ANKS1A: variants seen among roughly 807,000 people sequenced by gnomAD.
ANKS1A encodes the protein ankyrin repeat and sterile alpha motif domain containing 1A, also known as ankyrin repeat and SAM domain-containing protein 1A.
In ANKS1A, 55 loss-of-function variants were observed where a neutral mutation model predicts 120.3. The observed-to-expected ratio is 0.46, with a 90% CI of 0.37 to 0.57. The LOEUF (loss-of-function observed/expected upper bound fraction) is 0.57, where lower values mean the gene tolerates loss of function less well. Among genes scored for constraint, ANKS1A ranks in the 20% least tolerant of loss-of-function variants. The probability of loss-of-function intolerance (pLI) is 0.00; values close to 1 mark genes in which losing one functional copy is unlikely to be tolerated. For missense variants in ANKS1A, 1,123 were observed against 1,480.3 expected, an observed-to-expected ratio of 0.76 and a Z score of 3.96; for synonymous variants, 590 against 604.7, an observed-to-expected ratio of 0.98 and a Z score of 0.36.
intron 3 of ANKS1A, among the ~76,000 whole-genome samples, chr6:34,973,913 T>TCCCTTCCCCTTCCCCTTCCCTTC (rs1771331567): frequency 1.6e-5 from 1 of 64,512 alleles, no homozygotes; most frequent in African/African-American, 6.1e-5. Context: ...CCCTTCCCCT[T>TCCCTTCCCCTTCCCCTTCCCTTC]CCCTTCCCCT....
intron 10 of ANKS1A, 142 bp downstream of exon 10, chr6:34,994,564 G>T (rs1772750357): frequency 7.8e-7 from 1 of 1,277,358 alleles, no homozygotes; most frequent in Admixed American, 2.3e-5. Context: ...GGGATGGTGG[G>T]TCCATTATGG....
At chr6:35,068,692 G>A (rs891208036) in intron 13 of ANKS1A, among the ~76,000 whole-genome samples, 3 of 152,212 alleles carry the variant, frequency 2.0e-5, no homozygotes, top group Non-Finnish European at 4.4e-5. Context: ...GGGAGAGGCT[G>A]GAGGGCTGCA....
chr6:35,093,801 G>A (rs904546888), downstream of ANKS1A, among the ~76,000 whole-genome samples: 3 of 152,128 alleles, frequency 2.0e-5, no homozygotes, highest in Non-Finnish European at 2.9e-5. Context: ...ATAAATAACT[G>A]CTCTACTCCA....
At chr6:34,914,210 CTT>C (rs1768046958) in intron 1 of ANKS1A, among the ~76,000 whole-genome samples, 1 of 151,596 alleles carries the variant, frequency 6.6e-6, no homozygotes, top group African/African-American at 2.4e-5. Flanking sequence ...TGTGAGCCAC[CTT>C]ACCCAGCCAA....
At chr6:34,988,602 AT>A (rs987053868) in intron 8 of ANKS1A, among the ~76,000 whole-genome samples, 11 of 151,678 alleles carry the variant, frequency 7.3e-5, no homozygotes, top group South Asian at 2.1e-4. Flanking sequence ...CCTCAAAAAA[AT>A]TTTTTTTTCA....
At position 35,085,740 on chromosome 6, in the gene ANKS1A, T is replaced by C; in HGVS notation, c.3133-26T>C. On this transcript the variant is annotated intron_variant, in intron 21 of 23. Transcript: ENST00000360359. This position sits in a 1 kb window ranked among gnomAD's most constrained non-coding sequence, Gnocchi z 4.7. The stretch of plus-strand genomic sequence containing the variant: ...GTGAAGCGGCTCCTGAACCAGGTGC[T>C]TAAGTGGTGATCTGCTTCCTCCCAG... The C allele has an allele frequency of 6.4e-7, 1 of 1,557,408 alleles. No individual in the cohort carries two copies. Among genetic ancestry groups the C allele is most frequent in the Non-Finnish European group, 8.7e-7 (1 of 1,152,168 alleles).
rs76834635 is a variant in ANKS1A at position 34,973,790 on chromosome 6, T to A, written c.435+3624T>A. On this transcript the variant is annotated intron_variant, in intron 3 of 23. Transcript: ENST00000360359. ...AGAGAAGCAATTTGACCTTAGGTAGTGGAGCACATCAGCTTTGTTTTGGCT... is the reference window on the plus strand; with the variant it reads ...AGAGAAGCAATTTGACCTTAGGTAGAGGAGCACATCAGCTTTGTTTTGGCT... Among the ~76,000 whole-genome samples, 1,155 of 152,208 alleles carry A rather than the reference T, an allele frequency of 7.6e-3. 21 individuals carry two copies. Among genetic ancestry groups the A allele is most frequent in the African/African-American group, 0.025 (1,057 of 41,512 alleles).
intron 11 of ANKS1A, among the ~76,000 whole-genome samples, chr6:35,033,998 C>T (rs1043898895): frequency 1.3e-5 from 2 of 152,148 alleles, no homozygotes; most frequent in African/African-American, 4.8e-5. Flanking sequence ...TACTCAGCAC[C>T]TACTATTGCC....
intron 11 of ANKS1A, among the ~76,000 whole-genome samples, chr6:35,025,516 G>A (rs1230944119): frequency 6.6e-6 from 1 of 151,950 alleles, no homozygotes; most frequent in Non-Finnish European, 1.5e-5. Flanking sequence ...TGGGGGAGTG[G>A]GGGAATGCAC....
At position 34,991,526 on chromosome 6, in the gene ANKS1A, G is replaced by GAA. The variant is rs1248252035; in HGVS notation, c.1302+2219_1302+2220dup. ...GAAATGTTGCTTTCCACATAGCCGG[G>GAA]AAAAAAAAAATATATACACACACAC... is the stretch of plus-strand genomic sequence containing the variant. On this transcript the variant is annotated intron_variant, in intron 9 of 23. Coordinates refer to ENST00000360359, the MANE Select transcript of ANKS1A (RefSeq NM_015245.3). 8.8e-5 allele frequency among the ~76,000 whole-genome samples: 11 copies of GAA among 125,020 alleles called. No homozygotes were observed. In the South Asian group the frequency reaches 1.2e-3, roughly 14 times the overall value. The allele number at this position is 125,020 out of a possible 152,430, so 82.0% of individuals were successfully genotyped here.
intron 12 of ANKS1A, among the ~76,000 whole-genome samples, chr6:35,059,706 G>A (rs912903949): frequency 6.6e-6 from 1 of 152,174 alleles, no homozygotes; most frequent in African/African-American, 2.4e-5. Context: ...TGAGAGGAGC[G>A]GCGGGGCTTG....
intron 1 of ANKS1A, among the ~76,000 whole-genome samples, chr6:34,898,585 C>T (rs1419629863): frequency 6.6e-6 from 1 of 152,152 alleles, no homozygotes; most frequent in African/African-American, 2.4e-5. Context: ...TGATAAGGGA[C>T]TGTAAACCTC....
In ANKS1A at chr6:34,889,462, G is replaced by A. The variant is rs1581647434; in HGVS notation, c.60G>A (p.Glu20=). ...GCACCGGGCACCTCCCGGCGGTGGA[G>A]AAGCTGCTGTCCGGGAAGCGGCTCT... ...AARTGHLPAV[E]KLLSGKRLSS... Residue 20 remains glutamate, a synonymous_variant, in exon 1 of 24, where the codon GAG becomes GAA. Transcript: ENST00000360359. This position sits in a 1 kb window ranked among gnomAD's most constrained non-coding sequence, Gnocchi z 5.5. The A allele has an allele frequency of 7.8e-7, 1 of 1,289,236 alleles. No individual in the cohort carries two copies. The highest frequency in any genetic ancestry group is 9.8e-7 in the Non-Finnish European group (1 of 1,022,902). The allele number at this position is 1,289,236 out of a possible 1,614,324, so 79.9% of individuals were successfully genotyped here.
chr6:34,974,492 G>C (rs1771456080), intron 3 of ANKS1A, among the ~76,000 whole-genome samples: 1 of 150,500 alleles, frequency 6.6e-6, no homozygotes, highest in African/African-American at 2.5e-5. Flanking sequence ...GCAGTGATTG[G>C]CCTGCTCTTT....
At chr6:35,081,189 G>A in intron 17 of ANKS1A, 31 bp downstream of exon 17, 1 of 1,581,762 alleles carries the variant, frequency 6.3e-7, no homozygotes, top group Non-Finnish European at 8.6e-7. Flanking sequence ...GTGCAGCCAG[G>A]CTCTACCTCA....
chr6:35,056,062 A>C (rs925153414), intron 12 of ANKS1A, among the ~76,000 whole-genome samples: 1 of 152,176 alleles, frequency 6.6e-6, no homozygotes, highest in Non-Finnish European at 1.5e-5. Context: ...TCCATTGAGG[A>C]TGGTTTCTGC....
At chr6:35,056,756 A>G (rs1261898554) in intron 12 of ANKS1A, among the ~76,000 whole-genome samples, 1 of 152,048 alleles carries the variant, frequency 6.6e-6, no homozygotes, top group Non-Finnish European at 1.5e-5. Context: ...CATGTGGGGG[A>G]CCACCTAAAC....
At position 35,023,443 on chromosome 6, in the gene ANKS1A, C is replaced by T; in HGVS notation, c.2010+5384C>T. ...CTTCATTTGCAAATGAACTGAAAGG[C>T]TTAGATATTCAGGGTGCTGGGAAGC... On this transcript the variant is annotated intron_variant, in intron 11 of 23. Coordinates refer to ENST00000360359, the MANE Select transcript of ANKS1A (RefSeq NM_015245.3). The T allele has an allele frequency of 1.9e-5, 4 of 215,466 alleles. No homozygotes were observed. In the South Asian group the frequency reaches 1.9e-4, roughly 10 times the overall value. 13.3% of individuals were successfully genotyped at this position (215,466 alleles called of 1,614,324 possible).
intron 8 of ANKS1A, among the ~76,000 whole-genome samples, chr6:34,987,265 A>G (rs1193371163): frequency 6.6e-6 from 1 of 152,222 alleles, no homozygotes; most frequent in East Asian, 1.9e-4. Flanking sequence ...CTTAGAGAAA[A>G]AGACACAGGT....
Sources: allele counts gnomAD v4.1 joint callset (sites outside exome capture counted in the v4.1 genomes callset), GRCh38; gene constraint gnomAD v4.1.1; non-coding constraint Gnocchi (gnomAD v3.1); transcripts MANE v1.5; gene names NCBI Gene and HGNC (gene_info 2026-07-23, HGNC 2026-07-21).